Variants in THSD7A observed in about 807,000 individuals in gnomAD.
THSD7A encodes thrombospondin type 1 domain containing 7A.
Under a neutral mutation model 231.3 loss-of-function variants are expected in THSD7A, and 96 were observed. That is an observed-to-expected ratio of 0.41 (90% confidence interval 0.35 to 0.49). The LOEUF (loss-of-function observed/expected upper bound fraction) is 0.49. Among genes scored for constraint, THSD7A ranks in the 20% least tolerant of loss-of-function variants. The pLI, the probability that THSD7A is intolerant of heterozygous loss-of-function variation, is 0.05. For missense variants in THSD7A, 2,290 were observed against 2,070.2 expected, an observed-to-expected ratio of 1.11 and a Z score of -2.06; for synonymous variants, 940 against 743.3, an observed-to-expected ratio of 1.26 and a Z score of -4.30.
intron 9 of THSD7A, among the ~76,000 whole-genome samples, chr7:11,464,770 C>T (rs187786968): frequency 6.6e-5 from 10 of 152,194 alleles, no homozygotes; most frequent in Non-Finnish European, 1.2e-4. Flanking sequence ...AAAGATATGA[C>T]ACCCAGAGAA....
chr7:11,769,525 C>A (rs1243642171), intron 1 of THSD7A, among the ~76,000 whole-genome samples: 4 of 151,768 alleles, frequency 2.6e-5, no homozygotes, highest in Non-Finnish European at 5.9e-5. Context: ...TTTCAAGAAG[C>A]TGTGTCTCAA....
chr7:11,491,246 A>G (rs1245173646), intron 6 of THSD7A, among the ~76,000 whole-genome samples: 1 of 152,068 alleles, frequency 6.6e-6, no homozygotes, highest in Non-Finnish European at 1.5e-5. Context: ...GTAATTTTTG[A>G]TTGTTAAATT....
At chr7:11,378,928 A>C (rs1000575344) in intron 26 of THSD7A, 142 bp downstream of exon 26, 2 of 715,382 alleles carry the variant, frequency 2.8e-6, no homozygotes, top group African/African-American at 3.6e-5. Flanking sequence ...AAATTGAAGA[A>C]TAGATGGCAC....
At chr7:11,698,388 C>A (rs1780467373) in intron 1 of THSD7A, among the ~76,000 whole-genome samples, 1 of 151,148 alleles carries the variant, frequency 6.6e-6, no homozygotes, top group Non-Finnish European at 1.5e-5. Context: ...TTCATTTCAG[C>A]TTTCATATAA....
At chr7:11,777,665 T>C (rs181076339) in intron 1 of THSD7A, among the ~76,000 whole-genome samples, 103 of 152,254 alleles carry the variant, frequency 6.8e-4, no homozygotes, top group Admixed American at 2.7e-3. Flanking sequence ...ATTCTAGAAT[T>C]CCCTATGACT....
chr7:11,815,071 T>C (rs777132750), intron 1 of THSD7A, among the ~76,000 whole-genome samples: 21 of 131,504 alleles, frequency 1.6e-4, no homozygotes, highest in Non-Finnish European at 3.2e-4. Context: ...CATGTAGCCA[T>C]TCCCTAAAAC....
At position 11,703,103 on chromosome 7, in the gene THSD7A, G is replaced by T. The variant is rs536170586; in HGVS notation, c.191-66142C>A. The stretch of plus-strand genomic sequence containing the variant: ...CAGCTAGTCATTTTCTCTAGGCAAG[G>T]TCAAGTTCTCTAAATGGCTCTTGCT... On this transcript the variant is annotated intron_variant, in intron 1 of 27. Coordinates refer to ENST00000423059, the MANE Select transcript of THSD7A (RefSeq NM_015204.3). 5.3e-5 allele frequency among the ~76,000 whole-genome samples: 8 copies of T among 151,318 alleles called. No homozygotes were observed. The South Asian group carries it at 1.7e-3, about 31-fold the overall frequency.
Position 11,636,072 on chromosome 7 carries a change from A to G in THSD7A, c.1022+58T>C. ...GTTATTAGATAGTACCGGATATCTT[A>G]GGTACTCATGATTCTTGACAGACAA... On this transcript the variant is annotated intron_variant, in intron 2 of 27. Coordinates refer to ENST00000423059, the MANE Select transcript of THSD7A (RefSeq NM_015204.3). The surrounding 1 kb of genome is among the most constrained non-coding windows in gnomAD (Gnocchi z 10.0). The G allele has an allele frequency of 7.0e-7, 1 of 1,431,142 alleles. No homozygotes were observed. Among genetic ancestry groups the G allele is most frequent in the Non-Finnish European group, 9.6e-7 (1 of 1,041,912 alleles). 88.7% of individuals were successfully genotyped at this position (1,431,142 alleles called of 1,614,324 possible). A position where few individuals can be genotyped will look rare whatever the true frequency, so the allele number is the denominator to read the frequency against.
chr7:11,617,080 T>C lies in THSD7A; in HGVS notation c.1022+19050A>G, dbSNP rs189477632. 1.1e-3 allele frequency among the ~76,000 whole-genome samples: 169 copies of C among 152,310 alleles called. 1 individual carries two copies. The highest frequency in any genetic ancestry group is 3.9e-3 in the African/African-American group (164 of 41,572). ...TGTAAGTTGTATACACAAATATATC[T>C]GAGCATAATAGTCTAGGAACTAAGA... On this transcript the variant is annotated intron_variant, in intron 2 of 27. Coordinates refer to ENST00000423059, the MANE Select transcript of THSD7A (RefSeq NM_015204.3).
chr7:11,804,025 A>G, intron 1 of THSD7A, among the ~76,000 whole-genome samples: 1 of 152,180 alleles, frequency 6.6e-6, no homozygotes, highest in East Asian at 1.9e-4. Flanking sequence ...TATGTTGTCC[A>G]GGAGGCAATT....
intron 16 of THSD7A, among the ~76,000 whole-genome samples, chr7:11,417,959 C>T (rs17164552): frequency 0.015 from 2,251 of 152,268 alleles, 67 homozygotes; most frequent in African/African-American, 0.051. Flanking sequence ...TAATGAGGAA[C>T]TGTCCAAAGA....
intron 4 of THSD7A, among the ~76,000 whole-genome samples, chr7:11,589,471 C>T (rs1471889910): frequency 6.6e-6 from 1 of 152,180 alleles, no homozygotes; most frequent in Non-Finnish European, 1.5e-5. Context: ...CCATAAAGGG[C>T]TCTATTTCTA....
intron 1 of THSD7A, among the ~76,000 whole-genome samples, chr7:11,766,913 A>G (rs2128170086): frequency 6.6e-6 from 1 of 152,326 alleles, no homozygotes. Flanking sequence ...CAAAACTGCC[A>G]CTGCATTAAT....
At chr7:11,729,988 G>A (rs73677820) in intron 1 of THSD7A, among the ~76,000 whole-genome samples, 4,271 of 151,750 alleles carry the variant, frequency 0.028, 206 homozygotes, top group African/African-American at 0.095. Context: ...AACATAACTA[G>A]CTTAGGAAAT....
chr7:11,516,949 C>T (rs1259694876), intron 6 of THSD7A, among the ~76,000 whole-genome samples: 1 of 151,822 alleles, frequency 6.6e-6, no homozygotes, highest in Admixed American at 6.6e-5. Flanking sequence ...TTACATGATG[C>T]AATGAAATAA....
At chr7:11,541,387 C>G in intron 6 of THSD7A, 32 bp downstream of exon 6, 1 of 1,599,494 alleles carries the variant, frequency 6.3e-7, no homozygotes, top group African/African-American at 1.3e-5. Flanking sequence ...GGTTGGACAT[C>G]CATAAAAACA....
chr7:11,626,927 T>C (rs1313939291), intron 2 of THSD7A, among the ~76,000 whole-genome samples: 3 of 152,186 alleles, frequency 2.0e-5, no homozygotes, highest in Non-Finnish European at 4.4e-5. Context: ...CTTTTGAGGA[T>C]ATTCTTTTAC....
chr7:11,397,927 C>T (rs574187812), intron 23 of THSD7A, among the ~76,000 whole-genome samples: 70 of 152,264 alleles, frequency 4.6e-4, no homozygotes, highest in African/African-American at 1.6e-3. Context: ...TGTGGAGAAA[C>T]AGGAATGCTT....
intron 19 of THSD7A, among the ~76,000 whole-genome samples, chr7:11,409,091 T>C (rs2115376866): frequency 6.6e-6 from 1 of 152,284 alleles, no homozygotes; most frequent in African/African-American, 2.4e-5. Context: ...CTCATTTACC[T>C]AAATGTGTGT....
Sources: allele counts gnomAD v4.1 joint callset (sites outside exome capture counted in the v4.1 genomes callset), GRCh38; gene constraint gnomAD v4.1.1; non-coding constraint Gnocchi (gnomAD v3.1); transcripts MANE v1.5; gene names NCBI Gene and HGNC (gene_info 2026-07-23, HGNC 2026-07-21).